The following MON2 variants were observed in gnomAD, a reference collection of about 807,000 sequenced individuals.
MON2 encodes protein MON2 homolog.
Under a neutral mutation model 208.6 loss-of-function variants are expected in MON2, and 84 were observed. That is an observed-to-expected ratio of 0.40 (90% confidence interval 0.34 to 0.48). MON2 has a LOEUF of 0.48. MON2 is among the 20% of genes least tolerant of loss of function. The pLI is 0.59. For missense variants in MON2, 1,611 were observed against 2,015.4 expected (o/e 0.80, Z 3.84); for synonymous variants, 660 against 694.0 (o/e 0.95, Z 0.77).
chr12:62,523,242 C>T (rs1322741243), intron 8 of MON2, among the ~76,000 whole-genome samples: 2 of 152,222 alleles, frequency 1.3e-5, no homozygotes, highest in East Asian at 3.9e-4. Flanking sequence ...AAAAATAATG[C>T]CCTATTCATT....
At chr12:62,561,764 T>C (rs557860439) in intron 26 of MON2, among the ~76,000 whole-genome samples, 1 of 152,260 alleles carries the variant, frequency 6.6e-6, no homozygotes, top group Non-Finnish European at 1.5e-5. Context: ...AAATGCCAAC[T>C]GAGTAGCCAG....
chr12:62,576,200 G>A (rs779646879), intron 30 of MON2, among the ~76,000 whole-genome samples: 3 of 152,008 alleles, frequency 2.0e-5, no homozygotes, highest in Non-Finnish European at 4.4e-5. Flanking sequence ...AATGCTAAGC[G>A]GAAGAAACTA....
chr12:62,553,446 A>C (rs964859170), intron 24 of MON2: 22 of 293,586 alleles, frequency 7.5e-5, no homozygotes, highest in Admixed American at 5.7e-4. Context: ...TTTTTCCCCC[A>C]GTTTTCCCAA....
intron 1 of MON2, chr12:62,470,594 C>G (rs1729770939): frequency 3.2e-6 from 1 of 308,746 alleles, no homozygotes; most frequent in Non-Finnish European, 4.8e-6. Flanking sequence ...CTTCCATGAT[C>G]ACTTCTATGT....
intron 29 of MON2, among the ~76,000 whole-genome samples, chr12:62,567,430 C>T (rs996424834): frequency 2.0e-5 from 3 of 152,132 alleles, no homozygotes; most frequent in African/African-American, 7.2e-5. Context: ...ACCTAGTCAC[C>T]ACTCACTCTT....
At chr12:62,539,754 C>T (rs112168512) in intron 19 of MON2, among the ~76,000 whole-genome samples, 4 of 152,064 alleles carry the variant, frequency 2.6e-5, no homozygotes, top group African/African-American at 4.8e-5. Flanking sequence ...TGGTGGCTTA[C>T]GCCTGTAATC....
chr12:62,524,541 A>C lies in MON2; in HGVS notation c.1011A>C (p.Ser337=). 1.9e-6 allele frequency: 3 copies of C among 1,611,508 alleles called. No homozygotes were observed. The highest frequency in any genetic ancestry group is 2.5e-6 in the Non-Finnish European group (3 of 1,177,814). ...TAACTGAATGTGAGATATTTCTGTCACTTCTGGTGAAATTTCTGGATGCAG... is the reference window on the plus strand; with the variant it reads ...TAACTGAATGTGAGATATTTCTGTCCCTTCTGGTGAAATTTCTGGATGCAG... ...LLVTECEIFL[S]LLVKFLDADK... The change falls in exon 9 of 35, where the codon TCA becomes TCC. Residue 337 remains serine (S), a synonymous_variant. Transcript: ENST00000393630.
At chr12:62,470,661 T>A in intron 1 of MON2, 2 of 944,550 alleles carry the variant, frequency 2.1e-6, no homozygotes, top group Non-Finnish European at 2.7e-6. Context: ...TGTTTATGTA[T>A]TTCATGAATA....
At chr12:62,541,467 A>C (rs2073239837) in intron 19 of MON2, among the ~76,000 whole-genome samples, 1 of 152,174 alleles carries the variant, frequency 6.6e-6, no homozygotes, top group South Asian at 2.1e-4. Context: ...GTATAACAAC[A>C]ACAAAAATAT....
In MON2 at chr12:62,595,854, ATC is replaced by A. The variant is rs1186105756; in HGVS notation, c.*3107_*3108del. 3.9e-5 allele frequency: 6 copies of A among 152,200 alleles called. No individual in the cohort carries two copies. The highest frequency in any genetic ancestry group is 7.3e-5 in the Non-Finnish European group (5 of 68,038). The allele number at this position is 152,200 out of a possible 1,614,324, so 9.4% of individuals were successfully genotyped here. On this transcript the variant is annotated 3_prime_UTR_variant, in exon 35 of 35. Transcript: ENST00000393630. ...TAATTTTATTCACTTAACAGCTAAC[ATC>A]TTTCTTGTTTCTTGTTTTTTCCATT...
chr12:62,585,097 ACACACACAC>A (rs2075162850), intron 32 of MON2, among the ~76,000 whole-genome samples, 188 bp from the exon 33 acceptor site: 1 of 107,714 alleles, frequency 9.3e-6, no homozygotes, highest in Non-Finnish European at 1.9e-5. Context: ...ACACACACAC[ACACACACAC>A]ACACAAAACA....
At position 62,599,370 on chromosome 12, in the gene MON2, G is replaced by C. The variant is rs143174242; in HGVS notation, c.*6621G>C. 75 of 152,152 alleles carry C rather than the reference G, an allele frequency of 4.9e-4. No homozygotes were observed. The highest frequency in any genetic ancestry group is 1.8e-3 in the African/African-American group (74 of 41,512). 9.4% of individuals were successfully genotyped at this position (152,152 alleles called of 1,614,324 possible). On this transcript the variant is annotated 3_prime_UTR_variant, in exon 35 of 35. Transcript: ENST00000393630. Reference sequence around the variant, plus strand: ...AAACTGCCTGTCCATATCAATGCCAGACTATCTCTCTACCTCTCAAAGAAA... The same window carrying C: ...AAACTGCCTGTCCATATCAATGCCACACTATCTCTCTACCTCTCAAAGAAA...
chr12:62,467,269 T>TG lies in MON2; in HGVS notation c.63dup (p.Arg22AlafsTer19), dbSNP rs1406465207. The TG allele has an allele frequency of 6.2e-7, 1 of 1,614,056 alleles. No homozygotes were observed. Among genetic ancestry groups the TG allele is most frequent in the East Asian group, 2.2e-5 (1 of 44,880 alleles). On this transcript the variant is annotated frameshift_variant, in exon 1 of 35. Coordinates refer to ENST00000393630, the MANE Select transcript of MON2 (RefSeq NM_015026.3). LOFTEE classifies it high-confidence loss of function. The stretch of plus-strand genomic sequence containing the variant: ...CTGCTGGAGAATATGCAGAGCGACT[T>TG]GCGCGCCTTGTCACTGGAGTGCAAG...
At chr12:62,474,812 T>TG (rs1221971731) in intron 1 of MON2, among the ~76,000 whole-genome samples, 1 of 152,222 alleles carries the variant, frequency 6.6e-6, no homozygotes, top group African/African-American at 2.4e-5. Flanking sequence ...TATCTAGCAC[T>TG]GTTGCCTACT....
chr12:62,472,280 G>A (rs537237137), intron 1 of MON2, among the ~76,000 whole-genome samples: 6 of 152,296 alleles, frequency 3.9e-5, no homozygotes, highest in South Asian at 2.1e-4. Flanking sequence ...TGGGACAATG[G>A]TGGGAATATT....
At chr12:62,557,238 G>T (rs1291020370) in intron 25 of MON2, among the ~76,000 whole-genome samples, 1 of 152,192 alleles carries the variant, frequency 6.6e-6, no homozygotes, top group Non-Finnish European at 1.5e-5. Flanking sequence ...AACAAGGAAG[G>T]ATGACAGGAT....
At position 62,525,080 on chromosome 12, in the gene MON2, A is replaced by G. The variant is rs753063408; in HGVS notation, c.1110-4A>G. On this transcript the variant is annotated splice_region_variant and splice_polypyrimidine_tract_variant and intron_variant, in intron 9 of 34. Coordinates refer to ENST00000393630, the MANE Select transcript of MON2 (RefSeq NM_015026.3). ...TCCCAAAAACCTTTTAAATTATTTT[A>G]CAGGTCATTTTGTCAGTCCTATGAT... 2 of 1,603,480 alleles carry G rather than the reference A, an allele frequency of 1.2e-6. No individual in the cohort carries two copies. The highest frequency in any genetic ancestry group is 1.7e-6 in the Non-Finnish European group (2 of 1,173,700).
chr12:62,569,359 G>C (rs1437387167), intron 29 of MON2, among the ~76,000 whole-genome samples: 1 of 152,078 alleles, frequency 6.6e-6, no homozygotes, highest in Admixed American at 6.6e-5. Context: ...GGGAACTTTT[G>C]GGCATGCTTA....
chr12:62,501,497 T>A (rs535022084), intron 6 of MON2, 76 bp from the exon 7 acceptor site: 12 of 1,529,374 alleles, frequency 7.8e-6, no homozygotes, highest in Middle Eastern at 1.7e-4. Context: ...AGATTTTTTT[T>A]AAAGATTTAT....
Sources: gnomAD v4.1 joint callset for allele counts (sites outside exome capture counted in the v4.1 genomes callset) on GRCh38, gnomAD v4.1.1 for gene constraint, MANE v1.5 for transcripts, NCBI Gene and HGNC (gene_info 2026-07-23, HGNC 2026-07-21) for gene names.